Variants in MCPH1 observed in about 807,000 individuals in gnomAD.
MCPH1 encodes the protein microcephalin 1.
Under a neutral mutation model 84.5 loss-of-function variants are expected in MCPH1, and 104 were observed. That is an observed-to-expected ratio of 1.23 (90% confidence interval 1.05 to 1.45). The LOEUF is 1.45. MCPH1 is among the 40% of genes most tolerant of loss of function. The pLI is 0.00. For missense variants in MCPH1, 1,498 were observed against 1,005.7 expected (o/e 1.49, Z -6.62); for synonymous variants, 514 against 366.8 (o/e 1.40, Z -4.58).
chr8:6,515,490 CTT>C (rs1816080325), intron 12 of MCPH1, among the ~76,000 whole-genome samples: 1 of 152,220 alleles, frequency 6.6e-6, no homozygotes, highest in Admixed American at 6.5e-5. Flanking sequence ...CTAAGCAACT[CTT>C]TTTATTTCTG....
At chr8:6,506,267 C>G (rs954499359) in intron 12 of MCPH1, among the ~76,000 whole-genome samples, 1 of 151,904 alleles carries the variant, frequency 6.6e-6, no homozygotes, top group African/African-American at 2.4e-5. Flanking sequence ...GCTGTCCATG[C>G]AAAATGGAGC....
chr8:6,621,976 G>C, intron 13 of MCPH1: 1 of 447,308 alleles, frequency 2.2e-6, no homozygotes, highest in Non-Finnish European at 4.4e-6. Flanking sequence ...AAGCCACCCC[G>C]GGCCACCCCT....
intron 12 of MCPH1, among the ~76,000 whole-genome samples, chr8:6,612,216 T>A (rs1830344307): frequency 6.6e-6 from 1 of 152,072 alleles, no homozygotes; most frequent in Non-Finnish European, 1.5e-5. Flanking sequence ...AAATACATAT[T>A]TCTCGTTATA....
intron 12 of MCPH1, among the ~76,000 whole-genome samples, chr8:6,570,971 C>G (rs1826611137): frequency 6.6e-6 from 1 of 151,776 alleles, no homozygotes; most frequent in African/African-American, 2.4e-5. Flanking sequence ...TTTTTATTTA[C>G]TGGTAGCTTG....
At chr8:6,486,596 T>G (rs188567129) in intron 11 of MCPH1, among the ~76,000 whole-genome samples, 172 of 152,314 alleles carry the variant, frequency 1.1e-3, no homozygotes, top group Middle Eastern at 3.4e-3. Flanking sequence ...TTTGAGAAGT[T>G]TATTGGCAAT....
intron 13 of MCPH1, 120 bp from the exon 14 acceptor site, chr8:6,642,874 G>A (rs745987104): frequency 2.3e-5 from 21 of 922,916 alleles, no homozygotes; most frequent in Non-Finnish European, 3.5e-5. Flanking sequence ...GGGGCCTATG[G>A]ACAACACAGC....
At chr8:6,409,152 C>T in intron 1 of MCPH1, 127 bp from the exon 2 acceptor site, 1 of 791,096 alleles carries the variant, frequency 1.3e-6, no homozygotes, top group Admixed American at 2.0e-5. Context: ...TCCCACAGTG[C>T]TGGGATTACA....
chr8:6,498,137 GT>G (rs1192798446), intron 11 of MCPH1, among the ~76,000 whole-genome samples: 2 of 152,190 alleles, frequency 1.3e-5, no homozygotes, highest in African/African-American at 4.8e-5. Context: ...ATATTAAAAT[GT>G]AAAAAACACT....
At chr8:6,514,749 GCCT>G in intron 12 of MCPH1, 1 of 1,613,776 alleles carries the variant, frequency 6.2e-7, no homozygotes, top group Non-Finnish European at 8.5e-7. Flanking sequence ...TTGTCCACCC[GCCT>G]CCTCCAGCTT....
chr8:6,578,993 C>G (rs1827335160), intron 12 of MCPH1, among the ~76,000 whole-genome samples: 2 of 152,210 alleles, frequency 1.3e-5, no homozygotes, highest in African/African-American at 2.4e-5. Flanking sequence ...AACAGTGGAG[C>G]TGCATGATCT....
At chr8:6,606,122 G>T (rs1372158740) in intron 12 of MCPH1, among the ~76,000 whole-genome samples, 1 of 152,224 alleles carries the variant, frequency 6.6e-6, no homozygotes, top group Non-Finnish European at 1.5e-5. Context: ...GCTCCTGTAG[G>T]CAGACAATAA....
chr8:6,606,190 G>A (rs950828581), intron 12 of MCPH1, among the ~76,000 whole-genome samples: 1 of 152,212 alleles, frequency 6.6e-6, no homozygotes, highest in African/African-American at 2.4e-5. Context: ...ATACTTTGAA[G>A]AATATGCCTG....
At chr8:6,639,497 C>CA (rs534796520) in intron 13 of MCPH1, among the ~76,000 whole-genome samples, 1 of 151,852 alleles carries the variant, frequency 6.6e-6, no homozygotes, top group Admixed American at 6.6e-5. Flanking sequence ...CGTGTCCCTA[C>CA]AAAAAAAATT....
intron 9 of MCPH1, among the ~76,000 whole-genome samples, chr8:6,467,151 T>G (rs1807084526): frequency 6.6e-6 from 1 of 152,194 alleles, no homozygotes; most frequent in Admixed American, 6.5e-5. Flanking sequence ...GGCATATCCT[T>G]TTGTGACTTT....
chr8:6,416,806 C>G (rs1462399602), intron 3 of MCPH1, among the ~76,000 whole-genome samples: 1 of 131,578 alleles, frequency 7.6e-6, no homozygotes. Flanking sequence ...CCAGCCTGAT[C>G]AATATGGTAA....
chr8:6,429,181 C>T lies in MCPH1; in HGVS notation c.234-2318C>T, dbSNP rs114808135. Among the ~76,000 whole-genome samples the T allele has an allele frequency of 7.4e-3, 1,124 of 152,298 alleles. 16 individuals carry two copies. The highest frequency in any genetic ancestry group is 0.025 in the African/African-American group (1,048 of 41,560). On this transcript the variant is annotated intron_variant, in intron 3 of 13. Coordinates refer to ENST00000344683, the MANE Select transcript of MCPH1 (RefSeq NM_024596.5). ...GTGGAAGTTGTGTGTTAGGCTGAATCTCAGAGTGAACCATGAATATATTTC... is the reference window on the plus strand; with the variant it reads ...GTGGAAGTTGTGTGTTAGGCTGAATTTCAGAGTGAACCATGAATATATTTC...
intron 12 of MCPH1, among the ~76,000 whole-genome samples, chr8:6,541,804 G>C (rs1336831834): frequency 6.6e-6 from 1 of 152,098 alleles, no homozygotes; most frequent in Non-Finnish European, 1.5e-5. Context: ...AGCAGTTCAA[G>C]ACCAGCCTAG....
At chr8:6,450,515 C>G (rs985319090) in intron 8 of MCPH1, among the ~76,000 whole-genome samples, 5 of 149,026 alleles carry the variant, frequency 3.4e-5, no homozygotes, top group Admixed American at 6.8e-5. Context: ...ACAACTCATA[C>G]TAGATGGTTA....
At chr8:6,641,352 C>G (rs1797922587) in intron 13 of MCPH1, among the ~76,000 whole-genome samples, 1 of 152,168 alleles carries the variant, frequency 6.6e-6, no homozygotes, top group South Asian at 2.1e-4. Context: ...AAGGCTTCCA[C>G]CTACCTATGA....
Sources: gnomAD v4.1 joint callset for allele counts (sites outside exome capture counted in the v4.1 genomes callset) on GRCh38, gnomAD v4.1.1 for gene constraint, MANE v1.5 for transcripts, NCBI Gene and HGNC (gene_info 2026-07-23, HGNC 2026-07-21) for gene names.